The following C8orf34 variants were observed in gnomAD, a reference collection of about 807,000 sequenced individuals.
C8orf34 encodes the protein uncharacterized protein C8orf34.
C8orf34 carries 65 observed loss-of-function variants against 68.3 expected under a neutral mutation model. That is an observed-to-expected ratio of 0.95 (90% CI 0.78 to 1.17). The LOEUF (loss-of-function observed/expected upper bound fraction) is 1.17, where lower values mean the gene tolerates loss of function less well. Ranked by LOEUF, C8orf34 falls within the 50% of genes most tolerant of loss-of-function variation. C8orf34 has a pLI of 0.00. For synonymous variants in C8orf34, 244 were observed against 241.2 expected (o/e 1.01, Z -0.11); for missense variants, 664 against 655.4 (o/e 1.01, Z -0.14).
chr8:68,594,428 CT>C (rs1319427171), intron 7 of C8orf34, among the ~76,000 whole-genome samples: 10 of 151,826 alleles, frequency 6.6e-5, no homozygotes, highest in Non-Finnish European at 2.9e-5. Context: ...TGTCTTTTAT[CT>C]AAAAAATATG....
At chr8:68,760,521 C>T (rs1480505417) in intron 10 of C8orf34, among the ~76,000 whole-genome samples, 1 of 152,152 alleles carries the variant, frequency 6.6e-6, no homozygotes, top group Non-Finnish European at 1.5e-5. Flanking sequence ...TTGGAGGAGA[C>T]ACTGAATGAT....
At chr8:68,575,265 T>G (rs1816868620) in intron 7 of C8orf34, among the ~76,000 whole-genome samples, 1 of 152,102 alleles carries the variant, frequency 6.6e-6, no homozygotes, top group Admixed American at 6.6e-5. Flanking sequence ...CCAATAAAAT[T>G]GTTGTATACC....
In C8orf34 at chr8:68,528,951, C is replaced by T. The variant is rs185572574; in HGVS notation, c.939-4032C>T. 3.3e-4 allele frequency among the ~76,000 whole-genome samples: 50 copies of T among 152,310 alleles called. No homozygotes were observed. In the East Asian group the frequency reaches 6.0e-3, roughly 18 times the overall value. ...TATGGCTATGGGTGAGTCACTCATG[C>T]TCCGCCTAGGGCAAGCTCCTCCACT... is the stretch of plus-strand genomic sequence containing the variant. On this transcript the variant is annotated intron_variant, in intron 6 of 13. Transcript: ENST00000518698.
chr8:68,586,110 G>A (rs1422068937), intron 7 of C8orf34, among the ~76,000 whole-genome samples: 4 of 152,068 alleles, frequency 2.6e-5, no homozygotes, highest in Non-Finnish European at 4.4e-5. Context: ...GTAAAAATGA[G>A]CAGAAAACAG....
chr8:68,786,410 T>C (rs1823847152), intron 11 of C8orf34, among the ~76,000 whole-genome samples: 1 of 152,192 alleles, frequency 6.6e-6, no homozygotes, highest in Non-Finnish European at 1.5e-5. Flanking sequence ...AAAAAAGTTA[T>C]TTATGACCTC....
intron 1 of C8orf34, among the ~76,000 whole-genome samples, chr8:68,409,804 G>A (rs1395188593): frequency 6.6e-6 from 1 of 152,112 alleles, no homozygotes. Context: ...TTCATAGTAT[G>A]TGCCCTATAT....
intron 8 of C8orf34, among the ~76,000 whole-genome samples, chr8:68,647,234 C>T (rs552394446): frequency 5.3e-4 from 80 of 151,992 alleles, no homozygotes; most frequent in Admixed American, 2.2e-3. Context: ...AATTTAAAAC[C>T]GCAAAAAGAT....
chr8:68,524,290 T>C (rs1814884354), intron 6 of C8orf34, among the ~76,000 whole-genome samples: 1 of 152,328 alleles, frequency 6.6e-6, no homozygotes, highest in African/African-American at 2.4e-5. Flanking sequence ...ACCCCCTTTT[T>C]TAATGATGTA....
At chr8:68,545,107 C>G (rs974319012) in intron 7 of C8orf34, among the ~76,000 whole-genome samples, 1 of 152,112 alleles carries the variant, frequency 6.6e-6, no homozygotes, top group Non-Finnish European at 1.5e-5. Context: ...CAAATCTCAA[C>G]TTGAATTGTA....
chr8:68,723,251 A>G (rs986265634), intron 10 of C8orf34, among the ~76,000 whole-genome samples: 4 of 152,070 alleles, frequency 2.6e-5, no homozygotes, highest in African/African-American at 4.8e-5. Flanking sequence ...CCTTTTTACA[A>G]TTAACTGATG....
intron 10 of C8orf34, among the ~76,000 whole-genome samples, chr8:68,743,736 C>A (rs1260546497): frequency 6.6e-6 from 1 of 152,202 alleles, no homozygotes; most frequent in Non-Finnish European, 1.5e-5. Context: ...GGGTCCTACG[C>A]CCACGGAGTC....
intron 7 of C8orf34, among the ~76,000 whole-genome samples, chr8:68,581,773 C>T (rs938180792): frequency 7.2e-5 from 11 of 152,064 alleles, no homozygotes; most frequent in East Asian, 1.9e-4. Context: ...ACAGGCTGTC[C>T]GGCATTTCTG....
rs938435250 is a variant in C8orf34 at position 68,407,748 on chromosome 8, A to AT, written c.328-31743dup. On this transcript the variant is annotated intron_variant, in intron 1 of 13. Coordinates refer to ENST00000518698, the MANE Select transcript of C8orf34 (RefSeq NM_052958.4). ...CATTTCTCTTAATTTATACTTTCCC[A>AT]TTTTTTTTGTTATTTTCATTTGTCA... Among the ~76,000 whole-genome samples, 21 of 151,542 alleles carry AT rather than the reference A, an allele frequency of 1.4e-4. No individual in the cohort carries two copies. The East Asian group carries it at 1.6e-3, about 11-fold the overall frequency.
intron 1 of C8orf34, among the ~76,000 whole-genome samples, chr8:68,418,933 T>C (rs1402283899): frequency 6.7e-6 from 1 of 150,244 alleles, no homozygotes; most frequent in African/African-American, 2.4e-5. Context: ...AAGGACTTCA[T>C]GTCTAAAACA....
intron 7 of C8orf34, among the ~76,000 whole-genome samples, chr8:68,621,645 G>A (rs1290867115): frequency 6.6e-6 from 1 of 152,048 alleles, no homozygotes; most frequent in African/African-American, 2.4e-5. Context: ...AAATATTTTA[G>A]GGAATAATTT....
intron 12 of C8orf34, among the ~76,000 whole-genome samples, chr8:68,804,443 G>T (rs540901437): frequency 6.6e-6 from 1 of 152,186 alleles, no homozygotes; most frequent in Admixed American, 6.5e-5. Context: ...AGTCAATATG[G>T]TAGAGCTAAG....
chr8:68,643,052 C>A (rs1819059810), intron 8 of C8orf34, among the ~76,000 whole-genome samples: 1 of 152,166 alleles, frequency 6.6e-6, no homozygotes, highest in Non-Finnish European at 1.5e-5. Context: ...GGCCACAGAC[C>A]AGTACCGGTT....
chr8:68,490,969 T>A (rs928929136), intron 5 of C8orf34, among the ~76,000 whole-genome samples: 1 of 152,230 alleles, frequency 6.6e-6, no homozygotes, highest in African/African-American at 2.4e-5. Context: ...AGTATTCACC[T>A]GGTACCTATG....
At chr8:68,727,794 G>A (rs1821874771) in intron 10 of C8orf34, among the ~76,000 whole-genome samples, 1 of 152,164 alleles carries the variant, frequency 6.6e-6, no homozygotes, top group Non-Finnish European at 1.5e-5. Context: ...GGAGCAGGTG[G>A]GACACAGGGC....
Sources: gnomAD v4.1 joint callset for allele counts (sites outside exome capture counted in the v4.1 genomes callset) on GRCh38, gnomAD v4.1.1 for gene constraint, MANE v1.5 for transcripts, NCBI Gene and HGNC (gene_info 2026-07-23, HGNC 2026-07-21) for gene names.